The following VWA2 variants were observed in gnomAD, a reference collection of about 807,000 sequenced individuals.
VWA2 encodes von Willebrand factor A domain-containing protein 2.
A neutral mutation model predicts 70.4 loss-of-function variants in VWA2; 73 were observed. The observed-to-expected ratio is 1.04, with a 90% CI of 0.86 to 1.26. The LOEUF (loss-of-function observed/expected upper bound fraction) is 1.26. Among genes scored for constraint, VWA2 ranks in the 50% most tolerant of loss-of-function variants. VWA2 has a pLI of 0.00. For missense variants in VWA2, 1,011 were observed against 998.5 expected (o/e 1.01, Z -0.17); for synonymous variants, 407 against 423.3 (o/e 0.96, Z 0.47).
intron 3 of VWA2, among the ~76,000 whole-genome samples, chr10:114,254,564 C>G (rs528904842): frequency 6.6e-6 from 1 of 152,300 alleles, no homozygotes; most frequent in South Asian, 2.1e-4. Context: ...CCTCACATAT[C>G]AGGGTGCCTG....
chr10:114,260,430 C>T (rs1564718955), intron 4 of VWA2, among the ~76,000 whole-genome samples: 1 of 152,236 alleles, frequency 6.6e-6, no homozygotes. Flanking sequence ...CCAAATCTGA[C>T]TGTGGTCTAG....
In VWA2 at chr10:114,275,000, T is replaced by G. The variant is rs112440016; in HGVS notation, c.566+2066T>G. ...CAGAGGAAGTTTGCGGTGCACATTG[T>G]ACAGCTCAGTGTGGGAGCCGAGCAG... On this transcript the variant is annotated intron_variant, in intron 6 of 13. Transcript: ENST00000392982. 6.8e-3 allele frequency among the ~76,000 whole-genome samples: 1,041 copies of G among 152,258 alleles called. 10 individuals carry two copies. The highest frequency in any genetic ancestry group is 0.024 in the African/African-American group (992 of 41,526).
chr10:114,286,583 AC>A, intron 11 of VWA2, 72 bp downstream of exon 11: 1 of 1,352,018 alleles, frequency 7.4e-7, no homozygotes, highest in Non-Finnish European at 9.9e-7. Flanking sequence ...CCACCACCTA[AC>A]CATCATTTTC....
At chr10:114,278,461 CAT>C (rs1380586673) in intron 7 of VWA2, among the ~76,000 whole-genome samples, 1 of 152,190 alleles carries the variant, frequency 6.6e-6, no homozygotes, top group African/African-American at 2.4e-5. Flanking sequence ...GTGGAATGTA[CAT>C]GTGTGCCCAT....
Position 114,248,687 on chromosome 10 carries a change from T to C in VWA2, c.-10-17T>C, listed in dbSNP as rs754841030. 11 of 1,609,040 alleles carry C rather than the reference T, an allele frequency of 6.8e-6. No individual in the cohort carries two copies. Among genetic ancestry groups the C allele is most frequent in the Middle Eastern group, 1.6e-4 (1 of 6,078 alleles). ...ACTAATTGCTGATACTTTCTTTCTT[T>C]TCCTGTGTCCCTGTAGTTATATCAA... On this transcript the variant is annotated splice_polypyrimidine_tract_variant and intron_variant, in intron 1 of 13. Coordinates refer to ENST00000392982, the MANE Select transcript of VWA2 (RefSeq NM_001272046.2).
intron 6 of VWA2, among the ~76,000 whole-genome samples, chr10:114,276,673 A>ATTTT (rs34808735): frequency 1.3e-4 from 15 of 113,688 alleles, no homozygotes; most frequent in East Asian, 2.4e-4. Flanking sequence ...ACACCCAGCA[A>ATTTT]TTTTTTTTTT....
intron 11 of VWA2, 65 bp downstream of exon 11, chr10:114,286,576 C>T (rs902458033): frequency 1.7e-5 from 23 of 1,383,422 alleles, no homozygotes; most frequent in Non-Finnish European, 2.1e-5. Context: ...CTTTTGGCCA[C>T]CACCTAACCA....
chr10:114,254,941 A>C lies in VWA2; in HGVS notation c.154A>C (p.Ile52Leu). 1.9e-6 allele frequency: 3 copies of C among 1,613,406 alleles called. No homozygotes were observed. Among genetic ancestry groups the C allele is most frequent in the Non-Finnish European group, 2.5e-6 (3 of 1,179,926 alleles). The change falls in exon 4 of 14, where the codon ATC becomes CTC. Residue 52 changes from isoleucine (I) to leucine (L), a missense_variant. Physicochemically the swap from Ile to Leu is conservative, Grantham distance 5. Transcript: ENST00000392982. ...KMMWCSAAVDIMFLLDGSNSV... is the reference protein window; with the variant it reads ...KMMWCSAAVDLMFLLDGSNSV... ...GATGTGGTGCTCGGCTGCAGTGGAC[A>C]TCATGTTTCTGTTAGATGGGTCTAA...
In VWA2 at chr10:114,293,813, T is replaced by C. The variant is rs953317227; in HGVS notation, c.*2576T>C. On this transcript the variant is annotated 3_prime_UTR_variant, in exon 14 of 14. Coordinates refer to ENST00000392982, the MANE Select transcript of VWA2 (RefSeq NM_001272046.2). Reference sequence around the variant, plus strand: ...TCCAAATGATGCTAGTTTTGTCTCTTCCTTTCAAAGTTGTATACCACTTCT... The same window carrying C: ...TCCAAATGATGCTAGTTTTGTCTCTCCCTTTCAAAGTTGTATACCACTTCT... 2.0e-5 allele frequency among the ~76,000 whole-genome samples: 3 copies of C among 152,228 alleles called. No homozygotes were observed. Among genetic ancestry groups the C allele is most frequent in the Admixed American group, 2.0e-4 (3 of 15,278 alleles).
intron 1 of VWA2, among the ~76,000 whole-genome samples, chr10:114,242,131 C>G (rs1450036577): frequency 6.6e-6 from 1 of 152,144 alleles, no homozygotes; most frequent in Non-Finnish European, 1.5e-5. Flanking sequence ...TTACTACCCT[C>G]GGTCCTCCCC....
chr10:114,280,367 GAAAAT>G (rs2038012798), intron 8 of VWA2, among the ~76,000 whole-genome samples: 1 of 151,910 alleles, frequency 6.6e-6, no homozygotes, highest in South Asian at 2.1e-4. Flanking sequence ...AATGAATACA[GAAAAT>G]AAACTGTTCA....
chr10:114,289,517 G>C, intron 12 of VWA2, 28 bp downstream of exon 12: 1 of 1,611,202 alleles, frequency 6.2e-7, no homozygotes, highest in Non-Finnish European at 8.5e-7. Flanking sequence ...CACCCTCAGG[G>C]CTGCCCCCAT....
intron 1 of VWA2, 66 bp from the exon 2 acceptor site, chr10:114,248,638 G>A (rs549225959): frequency 2.3e-5 from 31 of 1,374,052 alleles, no homozygotes; most frequent in East Asian, 4.6e-5. Flanking sequence ...CTTGTTTGGC[G>A]GTGTGACTTG....
chr10:114,264,768 G>A (rs1157450750), intron 5 of VWA2, among the ~76,000 whole-genome samples: 1 of 151,564 alleles, frequency 6.6e-6, no homozygotes, highest in Admixed American at 6.6e-5. Flanking sequence ...CGCCCTGGCT[G>A]GAGTGCAATG....
intron 5 of VWA2, among the ~76,000 whole-genome samples, chr10:114,266,863 G>A (rs1056673002): frequency 2.0e-5 from 3 of 151,998 alleles, no homozygotes; most frequent in African/African-American, 7.3e-5. Context: ...TTTAAATATG[G>A]CTTTTGGGTT....
At chr10:114,271,284 C>T (rs1326299495) in intron 5 of VWA2, among the ~76,000 whole-genome samples, 1 of 152,138 alleles carries the variant, frequency 6.6e-6, no homozygotes, top group East Asian at 1.9e-4. Flanking sequence ...GGCAAGACTG[C>T]TAATTCTAGG....
intron 5 of VWA2, among the ~76,000 whole-genome samples, chr10:114,264,317 G>A (rs577935831): frequency 6.6e-6 from 1 of 152,258 alleles, no homozygotes; most frequent in South Asian, 2.1e-4. Context: ...CTGTAAGAAT[G>A]AACAAAATAC....
chr10:114,282,975 G>A (rs1277339271), intron 9 of VWA2, among the ~76,000 whole-genome samples: 1 of 152,196 alleles, frequency 6.6e-6, no homozygotes, highest in African/African-American at 2.4e-5. Flanking sequence ...GGGGGTCATC[G>A]TATATGAGGT....
intron 1 of VWA2, 108 bp from the exon 2 acceptor site, chr10:114,248,596 T>C: frequency 1.1e-6 from 1 of 912,820 alleles, no homozygotes; most frequent in Non-Finnish European, 1.8e-6. Flanking sequence ...TCCAGGGTCA[T>C]ATCTGTGACC....
Sources: gnomAD v4.1 joint callset for allele counts (sites outside exome capture counted in the v4.1 genomes callset) on GRCh38, gnomAD v4.1.1 for gene constraint, MANE v1.5 for transcripts, NCBI Gene and HGNC (gene_info 2026-07-23, HGNC 2026-07-21) for gene names.